The following CDYL2 variants were observed in gnomAD, a reference collection of about 807,000 sequenced individuals.
CDYL2 encodes the protein chromodomain Y like 2.
CDYL2 carries 23 observed loss-of-function variants against 49.4 expected under a neutral mutation model. The observed-to-expected ratio is 0.47, with a 90% CI of 0.34 to 0.66. The LOEUF (loss-of-function observed/expected upper bound fraction) is 0.66, where lower values mean the gene tolerates loss of function less well. Ranked by LOEUF, CDYL2 falls within the 30% of genes least tolerant of loss-of-function variation. The probability of loss-of-function intolerance (pLI) is 0.01; values close to 1 mark genes in which losing one functional copy is unlikely to be tolerated. For synonymous variants in CDYL2, 360 were observed against 268.8 expected (o/e 1.34, Z -3.32); for missense variants, 678 against 656.4 (o/e 1.03, Z -0.36).
chr16:80,725,896 G>A (rs1905148194), intron 1 of CDYL2, among the ~76,000 whole-genome samples: 1 of 152,190 alleles, frequency 6.6e-6, no homozygotes, highest in African/African-American at 2.4e-5. Context: ...TCAACCCACA[G>A]CTTCTAAGAC....
intron 1 of CDYL2, among the ~76,000 whole-genome samples, chr16:80,697,699 G>C (rs1904281686): frequency 6.6e-6 from 1 of 151,986 alleles, no homozygotes. Context: ...AAACCTCTTA[G>C]AACTGATGAT....
At chr16:80,636,603 G>C (rs1336438599) in intron 2 of CDYL2, among the ~76,000 whole-genome samples, 1 of 152,194 alleles carries the variant, frequency 6.6e-6, no homozygotes, top group Admixed American at 6.5e-5. Flanking sequence ...TACACTTTTG[G>C]TGGGAGTGTA....
chr16:80,779,072 T>A (rs377399305), intron 1 of CDYL2, among the ~76,000 whole-genome samples: 2 of 151,708 alleles, frequency 1.3e-5, no homozygotes, highest in South Asian at 2.1e-4. Context: ...AGCCTTCCCC[T>A]CACTCCAAGG....
At chr16:80,643,033 G>C (rs974970607) in intron 2 of CDYL2, among the ~76,000 whole-genome samples, 1 of 152,120 alleles carries the variant, frequency 6.6e-6, no homozygotes, top group Non-Finnish European at 1.5e-5. Flanking sequence ...TCTCATCTGA[G>C]ACAAAGTAAG....
In CDYL2 at chr16:80,600,790, A is replaced by C. The variant is rs1318601590; in HGVS notation, c.*3598T>G. 1.3e-5 allele frequency: 2 copies of C among 152,080 alleles called. No individual in the cohort carries two copies. The highest frequency in any genetic ancestry group is 1.3e-4 in the Admixed American group (2 of 15,268). 9.4% of individuals were successfully genotyped at this position (152,080 alleles called of 1,614,324 possible). ...GATGTGACTAAATTCCAAATAAAAA[A>C]AAAGTTTACAAAATTTTTAAAACCA... On this transcript the variant is annotated 3_prime_UTR_variant, in exon 7 of 7. Transcript: ENST00000570137.
At chr16:80,695,499 A>G (rs902045055) in intron 1 of CDYL2, among the ~76,000 whole-genome samples, 13 of 152,350 alleles carry the variant, frequency 8.5e-5, no homozygotes, top group African/African-American at 2.9e-4. Flanking sequence ...CATGCTGCCT[A>G]TAAGAAATTC....
At chr16:80,634,469 G>T (rs972878416) in intron 2 of CDYL2, among the ~76,000 whole-genome samples, 4 of 152,146 alleles carry the variant, frequency 2.6e-5, no homozygotes, top group Non-Finnish European at 5.9e-5. Context: ...ACCCAGGGCG[G>T]GGAACATCAC....
intron 1 of CDYL2, among the ~76,000 whole-genome samples, chr16:80,695,841 G>C (rs570688897): frequency 3.9e-5 from 6 of 152,294 alleles, no homozygotes; most frequent in African/African-American, 1.2e-4. Flanking sequence ...GCACGAGACA[G>C]ATCAAGCAGG....
chr16:80,636,195 A>G (rs1167996633), intron 2 of CDYL2, among the ~76,000 whole-genome samples: 1 of 152,242 alleles, frequency 6.6e-6, no homozygotes. Flanking sequence ...AAGAAAAGCC[A>G]AAATTGACAA....
chr16:80,648,988 T>C (rs1184229095), intron 2 of CDYL2, among the ~76,000 whole-genome samples: 1 of 152,092 alleles, frequency 6.6e-6, no homozygotes, highest in African/African-American at 2.4e-5. Flanking sequence ...AGAAGGAATA[T>C]ACCTCAACAT....
intron 1 of CDYL2, among the ~76,000 whole-genome samples, chr16:80,776,991 G>A (rs775964412): frequency 2.0e-5 from 3 of 147,050 alleles, no homozygotes; most frequent in Non-Finnish European, 3.0e-5. Context: ...CTAATTTTTT[G>A]TTTTTTTTTT....
chr16:80,599,255 CTGA>C lies in CDYL2; in HGVS notation c.*5130_*5132del, dbSNP rs1169665034. Reference sequence around the variant, plus strand: ...TTAAAGCAAATCTCCATCTTAATGGCTGATAAGTTGACTTTATAAATACATACC... The same window carrying C: ...TTAAAGCAAATCTCCATCTTAATGGCTAAGTTGACTTTATAAATACATACC... On this transcript the variant is annotated 3_prime_UTR_variant, in exon 7 of 7. Transcript: ENST00000570137. 1.3e-5 allele frequency: 2 copies of C among 152,242 alleles called. No individual in the cohort carries two copies. The highest frequency in any genetic ancestry group is 2.9e-5 in the Non-Finnish European group (2 of 68,046). 9.4% of individuals were successfully genotyped at this position (152,242 alleles called of 1,614,324 possible).
intron 2 of CDYL2, among the ~76,000 whole-genome samples, chr16:80,655,301 T>C (rs910137539): frequency 6.6e-6 from 1 of 152,184 alleles, no homozygotes; most frequent in African/African-American, 2.4e-5. Context: ...TATTCATTCA[T>C]TCATTCAAAA....
intron 1 of CDYL2, among the ~76,000 whole-genome samples, chr16:80,722,135 A>G (rs1461449994): frequency 6.6e-6 from 1 of 152,208 alleles, no homozygotes; most frequent in Non-Finnish European, 1.5e-5. Flanking sequence ...TTAAAAGTAC[A>G]ATGATTCTTA....
chr16:80,601,103 C>G lies in CDYL2; in HGVS notation c.*3285G>C, dbSNP rs4281727. The G allele has an allele frequency of 6.6e-6, 1 of 152,100 alleles. No homozygotes were observed. Among genetic ancestry groups the G allele is most frequent in the South Asian group, 2.1e-4 (1 of 4,820 alleles). 9.4% of individuals were successfully genotyped at this position (152,100 alleles called of 1,614,324 possible). ...TGTTACCCAGACATTATTTCTATGCCGGAAGGGGCACATTAAGTACATCAG... is the reference window on the plus strand; with the variant it reads ...TGTTACCCAGACATTATTTCTATGCGGGAAGGGGCACATTAAGTACATCAG... On this transcript the variant is annotated 3_prime_UTR_variant, in exon 7 of 7. Transcript: ENST00000570137.
At chr16:80,657,478 C>A (rs937157440) in intron 2 of CDYL2, among the ~76,000 whole-genome samples, 1 of 152,032 alleles carries the variant, frequency 6.6e-6, no homozygotes, top group Admixed American at 6.6e-5. Context: ...AAAGACAGAA[C>A]AAACAATCCA....
chr16:80,664,598 G>T (rs538396557), intron 2 of CDYL2, among the ~76,000 whole-genome samples: 144 of 152,278 alleles, frequency 9.5e-4, no homozygotes, highest in African/African-American at 3.2e-3. Flanking sequence ...GTGAACTGTA[G>T]GGGAGAAAAT....
intron 1 of CDYL2, among the ~76,000 whole-genome samples, chr16:80,693,206 T>C (rs56032204): frequency 0.42 from 63,558 of 151,264 alleles, 16,623 homozygotes; most frequent in Middle Eastern, 0.61. Context: ...TGTTCTATAA[T>C]TGGATTTGCG....
intron 1 of CDYL2, among the ~76,000 whole-genome samples, chr16:80,709,268 G>T (rs949651628): frequency 2.0e-5 from 3 of 151,848 alleles, no homozygotes; most frequent in Admixed American, 2.0e-4. Context: ...TGTAGCCCCA[G>T]CTACTCAGGA....
Sources: gnomAD v4.1 joint callset for allele counts (sites outside exome capture counted in the v4.1 genomes callset) on GRCh38, gnomAD v4.1.1 for gene constraint, MANE v1.5 for transcripts, NCBI Gene and HGNC (gene_info 2026-07-23, HGNC 2026-07-21) for gene names.